SPATA22: variants seen among roughly 807,000 people sequenced by gnomAD.
The protein encoded by SPATA22 is spermatogenesis-associated protein 22.
In SPATA22, 29 loss-of-function variants were observed where a neutral mutation model predicts 47.8. The ratio of observed to expected loss-of-function variants is 0.61; its 90% CI spans 0.45 to 0.83. SPATA22 has a LOEUF of 0.83. SPATA22 is among the 40% of genes least tolerant of loss of function. The pLI is 0.00. For missense variants in SPATA22, 410 were observed against 421.7 expected (o/e 0.97, Z 0.24); for synonymous variants, 133 against 140.9 (o/e 0.94, Z 0.40).
At chr17:3,450,211 A>C (rs34126000) in intron 5 of SPATA22, among the ~76,000 whole-genome samples, 35,124 of 152,042 alleles carry the variant, frequency 0.23, 4,333 homozygotes, top group East Asian at 0.42. Flanking sequence ...ACAAGAGGGC[A>C]ACCAATACAA....
At chr17:3,496,505 G>T (rs2073909111) in intron 1 of SPATA22, among the ~76,000 whole-genome samples, 1 of 152,178 alleles carries the variant, frequency 6.6e-6, no homozygotes, top group African/African-American at 2.4e-5. Flanking sequence ...CCTGAGGCTG[G>T]AACAAACTTG....
chr17:3,469,965 C>T lies in SPATA22; in HGVS notation c.-73-567G>A, dbSNP rs575087545. ...AAAATTAGCCAGGAGTGGTGGCGGG[C>T]GCCTGTAATCCCAGCTACTCGGGAG... On this transcript the variant is annotated intron_variant, in intron 1 of 8. Transcript: ENST00000572969. Among the ~76,000 whole-genome samples the T allele has an allele frequency of 6.6e-5, 10 of 152,012 alleles. No homozygotes were observed. The East Asian group carries it at 7.7e-4, about 12-fold the overall frequency.
At chr17:3,492,985 C>G (rs1358930163) in intron 1 of SPATA22, among the ~76,000 whole-genome samples, 2 of 152,208 alleles carry the variant, frequency 1.3e-5, no homozygotes, top group Non-Finnish European at 2.9e-5. Flanking sequence ...CTAACTGATA[C>G]AGAAGTGATC....
upstream of SPATA22, chr17:3,476,386 A>G (rs1309186352): frequency 6.2e-7 from 1 of 1,613,856 alleles, no homozygotes; most frequent in African/African-American, 1.3e-5. Context: ...TTTGACCTTG[A>G]AAATCTTGGG....
chr17:3,450,422 C>T (rs577475098), intron 5 of SPATA22, among the ~76,000 whole-genome samples: 1 of 152,154 alleles, frequency 6.6e-6, no homozygotes, highest in African/African-American at 2.4e-5. Flanking sequence ...ATCACGATAC[C>T]CAGAAAAAAA....
At chr17:3,471,354 TA>T (rs1281086795) in intron 1 of SPATA22, 4 of 894,324 alleles carry the variant, frequency 4.5e-6, no homozygotes, top group Non-Finnish European at 4.0e-6. Flanking sequence ...ACAAACAGAA[TA>T]AACAACAACA....
intron 1 of SPATA22, among the ~76,000 whole-genome samples, chr17:3,498,292 A>C (rs2073941387): frequency 6.6e-6 from 1 of 152,184 alleles, no homozygotes; most frequent in South Asian, 2.1e-4. Flanking sequence ...TTTGCCTTTT[A>C]ATATTATAAA....
chr17:3,493,547 C>T (rs1231354837), intron 1 of SPATA22, among the ~76,000 whole-genome samples: 2 of 99,936 alleles, frequency 2.0e-5, no homozygotes, highest in African/African-American at 4.0e-5. Context: ...GGTGAAAGAG[C>T]GAGGTTCCAT....
At chr17:3,454,292 T>C (rs1049515450) in intron 5 of SPATA22, among the ~76,000 whole-genome samples, 1 of 151,334 alleles carries the variant, frequency 6.6e-6, no homozygotes, top group Non-Finnish European at 1.5e-5. Flanking sequence ...TTTTATTTAT[T>C]TATTTATTTT....
intron 1 of SPATA22, among the ~76,000 whole-genome samples, chr17:3,497,225 T>C (rs1362722448): frequency 6.6e-6 from 1 of 152,174 alleles, no homozygotes; most frequent in Non-Finnish European, 1.5e-5. Context: ...CAGGTGGGGC[T>C]AGCCAGACGT....
intron 1 of SPATA22, among the ~76,000 whole-genome samples, chr17:3,494,113 C>T (rs1387730535): frequency 6.6e-6 from 1 of 151,782 alleles, no homozygotes; most frequent in African/African-American, 2.4e-5. Flanking sequence ...GCAACCTCCA[C>T]CTCCCAGGTT....
chr17:3,480,226 C>T (rs1385612642), intron 1 of SPATA22, among the ~76,000 whole-genome samples: 1 of 152,210 alleles, frequency 6.6e-6, no homozygotes, highest in Non-Finnish European at 1.5e-5. Flanking sequence ...TCATCCGCTG[C>T]CCAGACAGAG....
At chr17:3,454,055 A>G (rs908343294) in intron 5 of SPATA22, among the ~76,000 whole-genome samples, 1 of 152,142 alleles carries the variant, frequency 6.6e-6, no homozygotes, top group African/African-American at 2.4e-5. Flanking sequence ...ACATACAAAA[A>G]TCAGGAGCAT....
chr17:3,442,549 C>T (rs2072621177), intron 8 of SPATA22, among the ~76,000 whole-genome samples: 1 of 151,874 alleles, frequency 6.6e-6, no homozygotes, highest in African/African-American at 2.4e-5. Context: ...CACCAAGCCT[C>T]CTTATATCCC....
rs181009748 is a variant in SPATA22 at position 3,507,997 on chromosome 17, G to C, written c.-74+5415C>G. Among the ~76,000 whole-genome samples, 13 of 152,210 alleles carry C rather than the reference G, an allele frequency of 8.5e-5. No individual in the cohort carries two copies. The South Asian group carries it at 2.5e-3, about 29-fold the overall frequency. On this transcript the variant is annotated intron_variant, in intron 1 of 8. Coordinates refer to the SPATA22 transcript ENST00000541913. Reference sequence around the variant, plus strand: ...CCTATTAAGCTAGGATGTGAATCACGTACAATCCCTGTCTTGCTGCCACTC... The same window carrying C: ...CCTATTAAGCTAGGATGTGAATCACCTACAATCCCTGTCTTGCTGCCACTC...
chr17:3,493,444 C>T (rs1460502193), intron 1 of SPATA22, among the ~76,000 whole-genome samples: 1 of 151,186 alleles, frequency 6.6e-6, no homozygotes, highest in Non-Finnish European at 1.5e-5. Flanking sequence ...GCCCATAGTC[C>T]CAGCTACTCA....
chr17:3,510,879 G>C (rs1429058900), intron 1 of SPATA22: 1 of 152,280 alleles, frequency 6.6e-6, no homozygotes, highest in East Asian at 1.9e-4. Context: ...AGCCTTCTAA[G>C]AGCCTGAAGA....
Position 3,458,855 on chromosome 17 carries a change from C to CAAAAAAAAA in SPATA22, c.329+3619_329+3627dup, listed in dbSNP as rs545223532. ...CCTGGGCAACAAGAGCGAAACTTCA[C>CAAAAAAAAA]AAAAAAAAAAAAAAAAAAAAAAAAA... On this transcript the variant is annotated intron_variant, in intron 5 of 8. Transcript: ENST00000572969. Among the ~76,000 whole-genome samples, 86 of 38,310 alleles carry CAAAAAAAAA rather than the reference C, an allele frequency of 2.2e-3. 1 individual carries two copies. Among genetic ancestry groups the CAAAAAAAAA allele is most frequent in the Non-Finnish European group, 3.2e-3 (71 of 22,260 alleles). The allele number at this position is 38,310 out of a possible 152,430, so 25.1% of individuals were successfully genotyped here.
intron 1 of SPATA22, among the ~76,000 whole-genome samples, chr17:3,483,797 G>A (rs1470746651): frequency 6.6e-6 from 1 of 152,030 alleles, no homozygotes; most frequent in Non-Finnish European, 1.5e-5. Flanking sequence ...CTAGTAGCTG[G>A]GATTACAGGC....
Sources: allele counts gnomAD v4.1 joint callset (sites outside exome capture counted in the v4.1 genomes callset), GRCh38; gene constraint gnomAD v4.1.1; transcripts MANE v1.5; gene names NCBI Gene and HGNC (gene_info 2026-07-23, HGNC 2026-07-21).